UTP14C: variants seen among roughly 807,000 people sequenced by gnomAD.
UTP14C encodes the protein UTP14C small subunit processome component, also known as U3 small nucleolar RNA-associated protein 14 homolog C.
In UTP14C, 10 loss-of-function variants were observed where a neutral mutation model predicts 14.6. That is an observed-to-expected ratio of 0.68 (90% CI 0.42 to 1.16). UTP14C has a LOEUF of 1.16. UTP14C is among the 50% of genes most tolerant of loss of function. The pLI is 0.00. For synonymous variants in UTP14C, 315 were observed against 331.6 expected (o/e 0.95, Z 0.54); for missense variants, 818 against 890.8 (o/e 0.92, Z 1.04).
Position 52,028,548 on chromosome 13 carries a change from TG to T in UTP14C, c.-256del, listed in dbSNP as rs1489206147. ...TAAGCAGATTCTCTGATCAGGAATT[TG>T]AAGTGACATTCCTATCATCTGTGGA... On this transcript the variant is annotated 5_prime_UTR_variant, in exon 2 of 2. The change creates a premature stop within an existing upstream ORF in the 5' untranslated region. Coordinates refer to ENST00000521776, the MANE Select transcript of UTP14C (RefSeq NM_021645.6). 5.6e-6 allele frequency: 9 copies of T among 1,614,098 alleles called. No individual in the cohort carries two copies. In the South Asian group the frequency reaches 9.9e-5, roughly 18 times the overall value.
At position 52,030,117 on chromosome 13, in the gene UTP14C, C is replaced by T; in HGVS notation, c.1313C>T (p.Ala438Val). The change falls in exon 2 of 2, where the codon GCT becomes GTT. Residue 438 changes from alanine to valine, a missense_variant. Ala to Val is a moderately conservative substitution (Grantham distance 64, BLOSUM62 0). Transcript: ENST00000521776. The stretch of plus-strand genomic sequence containing the variant: ...AAAAGATCTGAGCTCAACCAGGATG[C>T]TGAGCCAGCAAGCAGTCAAGAAACA... ...LRKRSELNQDAEPASSQETKD... is the reference protein window; with the variant it reads ...LRKRSELNQDVEPASSQETKD... 1 of 1,614,206 alleles carries T rather than the reference C, an allele frequency of 6.2e-7. No individual in the cohort carries two copies. The highest frequency in any genetic ancestry group is 8.5e-7 in the Non-Finnish European group (1 of 1,180,046).
At position 52,031,202 on chromosome 13, in the gene UTP14C, C is replaced by T. The variant is rs1055040; in HGVS notation, c.*97C>T. 2 of 1,502,690 alleles carry T rather than the reference C, an allele frequency of 1.3e-6. No individual in the cohort carries two copies. The highest frequency in any genetic ancestry group is 1.4e-5 in the South Asian group (1 of 71,462). 93.1% of individuals were successfully genotyped at this position (1,502,690 alleles called of 1,614,324 possible). On this transcript the variant is annotated 3_prime_UTR_variant, in exon 2 of 2. Coordinates refer to ENST00000521776, the MANE Select transcript of UTP14C (RefSeq NM_021645.6). ...AGGGTGGATTCCAAAACTGGCTCAG[C>T]ACATTGCATGTAGTTGAGCCACATT...
rs1444684284 is a variant in UTP14C, at chr13:52,032,658, AAGC to A, written c.*1558_*1560del. 3 of 167,094 alleles carry A rather than the reference AAGC, an allele frequency of 1.8e-5. No individual in the cohort carries two copies. Among genetic ancestry groups the A allele is most frequent in the Admixed American group, 6.5e-5 (1 of 15,286 alleles). The allele number at this position is 167,094 out of a possible 1,614,324, so 10.4% of individuals were successfully genotyped here. A position where few individuals can be genotyped will look rare whatever the true frequency, so the allele number is the denominator to read the frequency against. ...CCAAGCCATCTGTCATCAGATCAAA[AAGC>A]AGCAAACAGAGGGTCAGTCACAGGA... On this transcript the variant is annotated 3_prime_UTR_variant, in exon 2 of 2. Coordinates refer to ENST00000521776, the MANE Select transcript of UTP14C (RefSeq NM_021645.6).
rs771525145 is a variant in UTP14C at position 52,028,855 on chromosome 13, A to T, written c.51A>T (p.Glu17Asp). Residue 17 changes from glutamate (E) to aspartate (D), a missense_variant, in exon 2 of 2, where the codon GAA becomes GAT. By Grantham distance (45) the Glu-to-Asp change is conservative. Transcript: ENST00000521776. The stretch of plus-strand genomic sequence containing the variant: ...ATCTGGCTTTGAGCCACCAGGAAGA[A>T]CTAGTGGATTTGCCAAAAAACTACC... ...AENLALSHQE[E>D]LVDLPKNYPL... 3 of 1,614,260 alleles carry T rather than the reference A, an allele frequency of 1.9e-6. No homozygotes were observed. In the South Asian group the frequency reaches 3.3e-5, roughly 18 times the overall value.
Position 52,028,783 on chromosome 13 carries a change from A to G in UTP14C, c.-22A>G, listed in dbSNP as rs3825528. On this transcript the variant is annotated 5_prime_UTR_variant, in exon 2 of 2. It removes an upstream start codon present in the reference 5' UTR. Transcript: ENST00000521776. ...CCTTCGGCTTCCATTCTTGGTATAC[A>G]TGAGAGAGGCTGGCTGCTGAGATGA... The G allele has an allele frequency of 6.2e-7, 1 of 1,613,858 alleles. No homozygotes were observed. Among genetic ancestry groups the G allele is most frequent in the Non-Finnish European group, 8.5e-7 (1 of 1,179,890 alleles).
rs1954291979 is a variant in UTP14C, at chr13:52,030,578, C to CA, written c.1775dup (p.Met593AspfsTer10). On this transcript the variant is annotated frameshift_variant, in exon 2 of 2. Transcript: ENST00000521776. LOFTEE classifies it high-confidence loss of function. ...AGATGAAGAGGAGAGAGACCAAAGG[C>CA]AGATGATAAAGGAAGCTTTTGCTGG... The CA allele has an allele frequency of 6.2e-7, 1 of 1,614,038 alleles. No individual in the cohort carries two copies. The highest frequency in any genetic ancestry group is 1.1e-5 in the South Asian group (1 of 91,090).
Position 52,026,947 on chromosome 13 carries a change from G to A in UTP14C, c.-486-1372G>A, listed in dbSNP as rs139082730. ...AGAGGCTCTCAGTACAAAATGCAGA[G>A]AACAGGAACAGCTGAGAAATGGGGA... On this transcript the variant is annotated intron_variant, in intron 1 of 1. Coordinates refer to ENST00000521776, the MANE Select transcript of UTP14C (RefSeq NM_021645.6). Among the ~76,000 whole-genome samples, 514 of 152,270 alleles carry A rather than the reference G, an allele frequency of 3.4e-3. 3 individuals are homozygous for A. Among genetic ancestry groups the A allele is most frequent in the African/African-American group, 0.012 (489 of 41,556 alleles).
intron 1 of UTP14C, among the ~76,000 whole-genome samples, chr13:52,027,034 G>A: frequency 6.6e-6 from 1 of 152,154 alleles, no homozygotes; most frequent in East Asian, 1.9e-4. Flanking sequence ...AAGGAAGAGA[G>A]TGTTTGGAGA....
rs752238208 is a variant in UTP14C at position 52,028,305 on chromosome 13, G to A, written c.-486-14G>A. 1.2e-6 allele frequency: 2 copies of A among 1,613,630 alleles called. No homozygotes were observed. The highest frequency in any genetic ancestry group is 1.1e-5 in the South Asian group (1 of 91,064). On this transcript the variant is annotated splice_polypyrimidine_tract_variant and intron_variant, in intron 1 of 1. Transcript: ENST00000521776. ...AAACTTAAAAGATTACATGATTTGT[G>A]TTTTTTTTCTCAGGAGTTGTGGAGT...
In UTP14C at chr13:52,031,251, C is replaced by A; in HGVS notation, c.*146C>A. 1 of 1,194,744 alleles carries A rather than the reference C, an allele frequency of 8.4e-7. No homozygotes were observed. The highest frequency in any genetic ancestry group is 1.1e-6 in the Non-Finnish European group (1 of 869,836). The allele number at this position is 1,194,744 out of a possible 1,614,324, so 74.0% of individuals were successfully genotyped here. On this transcript the variant is annotated 3_prime_UTR_variant, in exon 2 of 2. Transcript: ENST00000521776. ...TTTTTTAAAAAAAGAAAATGGATGACCATTAATTGACTAGCATTTTAGAAT... is the reference window on the plus strand; with the variant it reads ...TTTTTTAAAAAAAGAAAATGGATGAACATTAATTGACTAGCATTTTAGAAT...
In UTP14C at chr13:52,028,494, C is replaced by T. The variant is rs1401169259; in HGVS notation, c.-311C>T. On this transcript the variant is annotated 5_prime_UTR_variant, in exon 2 of 2. Coordinates refer to ENST00000521776, the MANE Select transcript of UTP14C (RefSeq NM_021645.6). ...TTTCCATGTCTGCAGAAAAGAGACT[C>T]CAAATCAGAAAAAGTGCTCGTGCAT... is the stretch of plus-strand genomic sequence containing the variant. The T allele has an allele frequency of 2.5e-6, 4 of 1,614,106 alleles. No homozygotes were observed. Among genetic ancestry groups the T allele is most frequent in the African/African-American group, 2.7e-5 (2 of 75,018 alleles).
chr13:52,024,755 T>C lies in UTP14C; in HGVS notation c.-669T>C. On this transcript the variant is annotated 5_prime_UTR_variant, in exon 1 of 2. Coordinates refer to ENST00000521776, the MANE Select transcript of UTP14C (RefSeq NM_021645.6). Reference sequence around the variant, plus strand: ...CCTCCTTCGCTTAAACTTGTCCTCATTGGAGGTTGTCGTAACAAAGATGAT... The same window carrying C: ...CCTCCTTCGCTTAAACTTGTCCTCACTGGAGGTTGTCGTAACAAAGATGAT... 1 of 1,614,228 alleles carries C rather than the reference T, an allele frequency of 6.2e-7. No homozygotes were observed. Among genetic ancestry groups the C allele is most frequent in the Non-Finnish European group, 8.5e-7 (1 of 1,180,042 alleles).
Position 52,028,510 on chromosome 13 carries a change from G to C in UTP14C, c.-295G>C, listed in dbSNP as rs371645290. 1 of 1,614,154 alleles carries C rather than the reference G, an allele frequency of 6.2e-7. No individual in the cohort carries two copies. The highest frequency in any genetic ancestry group is 8.5e-7 in the Non-Finnish European group (1 of 1,180,012). On this transcript the variant is annotated 5_prime_UTR_variant, in exon 2 of 2. Transcript: ENST00000521776. ...AAAGAGACTCCAAATCAGAAAAAGT[G>C]CTCGTGCATCTGTAAGCAGATTCTC...
chr13:52,030,145 A>C lies in UTP14C; in HGVS notation c.1341A>C (p.Lys447Asn), dbSNP rs1566713592. ...AGCCAGCAAGCAGTCAAGAAACAAA[A>C]GATTCTAGCAGCCAGGAGGTGCTGT... ...DAEPASSQETKDSSSQEVLSE... is the reference protein window; with the variant it reads ...DAEPASSQETNDSSSQEVLSE... The change falls in exon 2 of 2, where the codon AAA becomes AAC. Residue 447 changes from lysine (K) to asparagine (N), a missense_variant. Transcript: ENST00000521776. The C allele has an allele frequency of 6.2e-7, 1 of 1,614,240 alleles. No homozygotes were observed. Among genetic ancestry groups the C allele is most frequent in the Non-Finnish European group, 8.5e-7 (1 of 1,180,046 alleles).
rs1280527385 is a variant in UTP14C at position 52,029,167 on chromosome 13, A to T, written c.363A>T (p.Lys121Asn). 1 of 1,614,250 alleles carries T rather than the reference A, an allele frequency of 6.2e-7. No homozygotes were observed. Among genetic ancestry groups the T allele is most frequent in the South Asian group, 1.1e-5 (1 of 91,086 alleles). Residue 121 changes from lysine (K) to asparagine (N), a missense_variant, in exon 2 of 2, where the codon AAA (lysine) becomes AAT (asparagine). Transcript: ENST00000521776. ...SKKVVELPLN[K>N]EKIEQIHREV... Reference sequence around the variant, plus strand: ...AGGTGGTGGAGTTACCTCTTAACAAAGAAAAAATTGAACAGATCCACAGAG... The same window carrying T: ...AGGTGGTGGAGTTACCTCTTAACAATGAAAAAATTGAACAGATCCACAGAG...
rs1157082884 is a variant in UTP14C at position 52,029,929 on chromosome 13, C to T, written c.1125C>T (p.Phe375=). The part of the protein sequence containing the change: ...MNVDGPNPWM[F]RSCTSDTKEA... ...TGGACGGACCGAATCCCTGGATGTT[C>T]AGGAGCTGCACCAGTGACACCAAAG... Residue 375 remains phenylalanine (F), a synonymous_variant, in exon 2 of 2, where the codon TTC becomes TTT. Coordinates refer to ENST00000521776, the MANE Select transcript of UTP14C (RefSeq NM_021645.6). 1.9e-6 allele frequency: 3 copies of T among 1,614,048 alleles called. No individual in the cohort carries two copies. Among genetic ancestry groups the T allele is most frequent in the African/African-American group, 2.7e-5 (2 of 74,906 alleles).
Position 52,029,339 on chromosome 13 carries a change from G to T in UTP14C, c.535G>T (p.Ala179Ser). The change falls in exon 2 of 2, where the codon GCA becomes TCA. Residue 179 changes from alanine (A) to serine (S), a missense_variant. Coordinates refer to ENST00000521776, the MANE Select transcript of UTP14C (RefSeq NM_021645.6). ...TGAACATGCGCTCAGTGGCTGGAAGGCAAGAACTCCCCTGGAGCAGGAAAT... is the reference window on the plus strand; with the variant it reads ...TGAACATGCGCTCAGTGGCTGGAAGTCAAGAACTCCCCTGGAGCAGGAAAT... ...PIEHALSGWK[A>S]RTPLEQEIFN... The T allele has an allele frequency of 1.2e-6, 2 of 1,614,138 alleles. No individual in the cohort carries two copies. The highest frequency in any genetic ancestry group is 8.5e-7 in the Non-Finnish European group (1 of 1,180,028).
rs187088528 is a variant in UTP14C, at chr13:52,029,561, A to G, written c.757A>G (p.Lys253Glu). 3.1e-6 allele frequency: 5 copies of G among 1,614,240 alleles called. No individual in the cohort carries two copies. The African/African-American group carries it at 4.0e-5, about 13-fold the overall frequency. Reference protein sequence around the residue: ...EKKIKSKKYHKVVKKGKAKKA... With the variant: ...EKKIKSKKYHEVVKKGKAKKA... ...GAAAATCAAAAGTAAAAAGTATCAC[A>G]AAGTCGTGAAGAAAGGAAAGGCCAA... The change falls in exon 2 of 2, where the codon AAA becomes GAA. Residue 253 changes from lysine to glutamate, a missense_variant. Coordinates refer to ENST00000521776, the MANE Select transcript of UTP14C (RefSeq NM_021645.6).
Position 52,028,443 on chromosome 13 carries a change from C to G in UTP14C, c.-362C>G. ...GCTTTCTGGCTGAGAGTGAAGAAGA[C>G]TATGCTGAAACTATCGCTCACATTC... On this transcript the variant is annotated 5_prime_UTR_variant, in exon 2 of 2. Coordinates refer to ENST00000521776, the MANE Select transcript of UTP14C (RefSeq NM_021645.6). The G allele has an allele frequency of 6.2e-7, 1 of 1,614,156 alleles. No homozygotes were observed.
Sources: gnomAD v4.1 joint callset for allele counts (sites outside exome capture counted in the v4.1 genomes callset) on GRCh38, gnomAD v4.1.1 for gene constraint, MANE v1.5 for transcripts, NCBI Gene and HGNC (gene_info 2026-07-23, HGNC 2026-07-21) for gene names.